Variants in CDH18 observed in about 807,000 individuals in gnomAD.
The protein encoded by CDH18 is cadherin-18.
CDH18 carries 31 observed loss-of-function variants against 67.9 expected under a neutral mutation model. The ratio of observed to expected loss-of-function variants is 0.46; its 90% CI spans 0.34 to 0.62. CDH18 has a LOEUF of 0.62. Among genes scored for constraint, CDH18 ranks in the 20% least tolerant of loss-of-function variants. The pLI is 0.01. For missense variants in CDH18, 890 were observed against 975.5 expected (o/e 0.91, Z 1.17); for synonymous variants, 362 against 347.2 (o/e 1.04, Z -0.48).
In CDH18 at chr5:19,637,152, TTTTC is replaced by T. The variant is rs200230987; in HGVS notation, c.644-24555_644-24552del. ...TCTTTCTCTTTCTTTCTTTCTTTCT[TTTTC>T]TTTCTTTCTTTCTTCCTTCCTTTTT... On this transcript the variant is annotated intron_variant, in intron 5 of 12. Transcript: ENST00000382275. Among the ~76,000 whole-genome samples, 1,327 of 149,566 alleles carry T rather than the reference TTTTC, an allele frequency of 8.9e-3. 12 individuals are homozygous for T. Among genetic ancestry groups the T allele is most frequent in the Middle Eastern group, 0.024 (7 of 294 alleles).
In CDH18 at chr5:19,548,742, T is replaced by C. The variant is rs148047493; in HGVS notation, c.1254-4737A>G. ...AATACAATCTAGGTCTACTGAGTAA[T>C]ATTTATCAGCTTTTTTTTTTTTTTT... On this transcript the variant is annotated intron_variant, in intron 8 of 12. Transcript: ENST00000382275. Among the ~76,000 whole-genome samples the C allele has an allele frequency of 3.4e-3, 513 of 149,616 alleles. 2 individuals are homozygous for C. Among genetic ancestry groups the C allele is most frequent in the African/African-American group, 0.012 (486 of 40,320 alleles).
chr5:20,224,053 T>G (rs1741426872), intron 2 of CDH18, among the ~76,000 whole-genome samples: 1 of 152,182 alleles, frequency 6.6e-6, no homozygotes, highest in East Asian at 1.9e-4. Flanking sequence ...GCAATGCACA[T>G]TTTCTGTAAT....
rs577819126 is a variant in CDH18 at position 20,232,733 on chromosome 5, T to C, written c.-518+22711A>G. 1.6e-3 allele frequency among the ~76,000 whole-genome samples: 242 copies of C among 152,234 alleles called. 1 individual carries two copies. Among genetic ancestry groups the C allele is most frequent in the Non-Finnish European group, 2.6e-3 (179 of 67,926 alleles). On this transcript the variant is annotated intron_variant, in intron 2 of 14. Coordinates refer to the CDH18 transcript ENST00000507958. The stretch of plus-strand genomic sequence containing the variant: ...AGAAGAAAATATAGCCAAAATAGAA[T>C]TTTTTATTTTGAAACCTTTTTTATA...
chr5:19,546,525 T>C (rs999030919), intron 8 of CDH18, among the ~76,000 whole-genome samples: 3 of 152,174 alleles, frequency 2.0e-5, no homozygotes, highest in African/African-American at 7.2e-5. Context: ...TCTTCCATTT[T>C]AGTATGAGGA....
Position 20,113,982 on chromosome 5 carries a change from C to T in CDH18, c.-517-121968G>A, listed in dbSNP as rs200055565. On this transcript the variant is annotated intron_variant, in intron 2 of 14. Transcript: ENST00000507958. Reference sequence around the variant, plus strand: ...CCCAACAGTCTTTGGTTAAGACCTACATTATTATTGATTGCTGCCTGAAAT... The same window carrying T: ...CCCAACAGTCTTTGGTTAAGACCTATATTATTATTGATTGCTGCCTGAAAT... 3.3e-5 allele frequency among the ~76,000 whole-genome samples: 5 copies of T among 152,198 alleles called. No individual in the cohort carries two copies. In the East Asian group the frequency reaches 7.7e-4, roughly 24 times the overall value.
chr5:20,454,341 T>A (rs1750685785), intron 1 of CDH18, among the ~76,000 whole-genome samples: 1 of 152,110 alleles, frequency 6.6e-6, no homozygotes, highest in Admixed American at 6.6e-5. Flanking sequence ...AACTTTCATT[T>A]TTTTTCAGGG....
chr5:19,735,405 T>G lies in CDH18; in HGVS notation c.523+11537A>C, dbSNP rs1343898798. On this transcript the variant is annotated intron_variant, in intron 4 of 12. Transcript: ENST00000382275. ...GTATTGATGATATTGGATTTTTTTT[T>G]TTTTTTTTTGAGACGGAGTCTCGCT... 2.0e-5 allele frequency among the ~76,000 whole-genome samples: 3 copies of G among 151,500 alleles called. No homozygotes were observed. The East Asian group carries it at 5.8e-4, about 30-fold the overall frequency.
rs111956069 is a variant in CDH18 at position 20,275,386 on chromosome 5, T to G, written c.-579-19881A>C. On this transcript the variant is annotated intron_variant, in intron 1 of 14. Coordinates refer to the CDH18 transcript ENST00000507958. ...ATTGCTTTCCCTTCATCTTCTACCA[T>G]GACTGTAAGTTTTCTGAGGCCTCCT... is the stretch of plus-strand genomic sequence containing the variant. Among the ~76,000 whole-genome samples, 944 of 152,278 alleles carry G rather than the reference T, an allele frequency of 6.2e-3. 10 individuals carry two copies. The highest frequency in any genetic ancestry group is 0.022 in the African/African-American group (904 of 41,566).
At chr5:20,332,682 A>C (rs1430019718) in intron 1 of CDH18, among the ~76,000 whole-genome samples, 2 of 152,262 alleles carry the variant, frequency 1.3e-5, no homozygotes, top group African/African-American at 4.8e-5. Context: ...TCCTAGATTA[A>C]CAACAAAACA....
intron 2 of CDH18, among the ~76,000 whole-genome samples, chr5:19,948,292 G>A (rs1795459666): frequency 6.6e-6 from 1 of 152,066 alleles, no homozygotes; most frequent in African/African-American, 2.4e-5. Flanking sequence ...GAAAATTTTT[G>A]TTATTGTAGA....
intron 2 of CDH18, among the ~76,000 whole-genome samples, chr5:20,140,037 T>A (rs1044602621): frequency 6.6e-6 from 1 of 152,194 alleles, no homozygotes; most frequent in Non-Finnish European, 1.5e-5. Context: ...ATTGTGGTAC[T>A]ACTCACAAGA....
chr5:20,564,648 T>C (rs759411696), intron 1 of CDH18, among the ~76,000 whole-genome samples: 47 of 152,158 alleles, frequency 3.1e-4, no homozygotes, highest in Non-Finnish European at 5.0e-4. Context: ...TTATTGTCTG[T>C]TCCCTTTTGC....
intron 2 of CDH18, among the ~76,000 whole-genome samples, chr5:20,144,265 C>T (rs145983097): frequency 0.013 from 1,924 of 151,898 alleles, 23 homozygotes; most frequent in Middle Eastern, 0.044. Flanking sequence ...AGTCCAGATC[C>T]GGGAGTACTG....
intron 10 of CDH18, among the ~76,000 whole-genome samples, chr5:19,517,941 T>C (rs425724): frequency 0.21 from 32,002 of 151,814 alleles, 3,647 homozygotes; most frequent in African/African-American, 0.27. Flanking sequence ...TTATTACCAG[T>C]AATTGAGATA....
intron 3 of CDH18, among the ~76,000 whole-genome samples, chr5:19,807,995 A>G (rs1007767259): frequency 1.3e-5 from 2 of 152,318 alleles, no homozygotes; most frequent in Admixed American, 6.5e-5. Context: ...TTTTGAGTAA[A>G]TGAATATATC....
intron 1 of CDH18, among the ~76,000 whole-genome samples, chr5:20,443,207 C>CTCAAAAAA (rs1491460573): frequency 0.076 from 1,914 of 25,098 alleles, 271 homozygotes; most frequent in East Asian, 0.39. Flanking sequence ...GAGACTCCGT[C>CTCAAAAAA]ACAAAAAAAA....
chr5:20,089,087 C>A (rs1745214388), intron 2 of CDH18, among the ~76,000 whole-genome samples: 1 of 151,916 alleles, frequency 6.6e-6, no homozygotes, highest in African/African-American at 2.4e-5. Flanking sequence ...TGAATAGAAT[C>A]CTTTAAAAAG....
intron 3 of CDH18, among the ~76,000 whole-genome samples, chr5:19,838,113 T>C (rs1287386420): frequency 1.3e-5 from 2 of 152,154 alleles, no homozygotes; most frequent in Non-Finnish European, 2.9e-5. Context: ...TTAACTTCAT[T>C]CTATTGTGAT....
intron 1 of CDH18, among the ~76,000 whole-genome samples, chr5:20,562,294 T>C (rs778088217): frequency 5.2e-4 from 79 of 151,712 alleles, no homozygotes; most frequent in Non-Finnish European, 6.6e-4. Context: ...AGGAGAAATA[T>C]GAGTTTGGTA....
Sources: allele counts gnomAD v4.1 joint callset (sites outside exome capture counted in the v4.1 genomes callset), GRCh38; gene constraint gnomAD v4.1.1; transcripts MANE v1.5; gene names NCBI Gene and HGNC (gene_info 2026-07-23, HGNC 2026-07-21).